CA5A: variants seen among roughly 807,000 people sequenced by gnomAD.
CA5A encodes the protein carbonic anhydrase 5A.
In CA5A, 28 loss-of-function variants were observed where a neutral mutation model predicts 37.1. The observed-to-expected ratio is 0.75, with a 90% CI of 0.56 to 1.03. The LOEUF (loss-of-function observed/expected upper bound fraction) is 1.03. Ranked by LOEUF, CA5A falls within the 50% of genes least tolerant of loss-of-function variation. CA5A has a pLI of 0.00. For missense variants in CA5A, 444 were observed against 399.9 expected (o/e 1.11, Z -0.94); for synonymous variants, 171 against 158.4 (o/e 1.08, Z -0.60).
At chr16:87,907,582 C>A (rs1215335927) in intron 2 of CA5A, among the ~76,000 whole-genome samples, 1 of 152,172 alleles carries the variant, frequency 6.6e-6, no homozygotes, top group Non-Finnish European at 1.5e-5. Context: ...CTGGTAGATG[C>A]CATTTGTAAG....
chr16:87,900,267 G>C (rs899692660), intron 5 of CA5A, among the ~76,000 whole-genome samples: 1 of 152,208 alleles, frequency 6.6e-6, no homozygotes, highest in African/African-American at 2.4e-5. Flanking sequence ...CTGTGGAGCC[G>C]CGTGGAGGAA....
rs184303552 is a variant in CA5A at position 87,894,551 on chromosome 16, C to T, written c.619-2597G>A. The stretch of plus-strand genomic sequence containing the variant: ...CATCAGTTCTATGCACGCATGTTCA[C>T]GTTTATAATTATCCAGTTAATTAAA... On this transcript the variant is annotated intron_variant, in intron 5 of 6. Coordinates refer to ENST00000649794, the MANE Select transcript of CA5A (RefSeq NM_001739.2). Among the ~76,000 whole-genome samples, 9 of 150,324 alleles carry T rather than the reference C, an allele frequency of 6.0e-5. No homozygotes were observed. In the East Asian group the frequency reaches 1.7e-3, roughly 29 times the overall value.
chr16:87,928,667 T>TCACCAAA (rs1166269260), intron 1 of CA5A, among the ~76,000 whole-genome samples: 5 of 152,056 alleles, frequency 3.3e-5, no homozygotes, highest in African/African-American at 1.2e-4. Flanking sequence ...GTGATGATAT[T>TCACCAAA]TAGGTTATTT....
chr16:87,914,805 C>T (rs150126156), intron 2 of CA5A, among the ~76,000 whole-genome samples: 18 of 152,274 alleles, frequency 1.2e-4, no homozygotes, highest in East Asian at 3.9e-4. Flanking sequence ...CACGGGCCAC[C>T]GTCCCCTAAG....
intron 5 of CA5A, chr16:87,893,146 C>CTTTTTTTT: frequency 2.6e-6 from 1 of 386,242 alleles, no homozygotes; most frequent in Non-Finnish European, 4.6e-6. Context: ...TTCTTTCTTT[C>CTTTTTTTT]TTTTTTTTTT....
At chr16:87,903,260 G>A (rs759066685) in intron 3 of CA5A, among the ~76,000 whole-genome samples, 7 of 151,984 alleles carry the variant, frequency 4.6e-5, no homozygotes, top group African/African-American at 1.2e-4. Flanking sequence ...GTGAAACCCC[G>A]TCCCTACTAA....
chr16:87,888,774 A>G (rs1017769726), intron 6 of CA5A, among the ~76,000 whole-genome samples: 3 of 152,180 alleles, frequency 2.0e-5, no homozygotes, highest in African/African-American at 7.2e-5. Context: ...TGTTTGAGAC[A>G]GTGTTTCGCT....
At chr16:87,893,601 G>T in intron 5 of CA5A, 1 of 697,610 alleles carries the variant, frequency 1.4e-6, no homozygotes, top group South Asian at 1.4e-5. Flanking sequence ...TCACAAGAGG[G>T]GAAGCTGACA....
chr16:87,936,190 A>T, intron 1 of CA5A, 119 bp downstream of exon 1: 1 of 651,050 alleles, frequency 1.5e-6, no homozygotes, highest in Non-Finnish European at 2.7e-6. Context: ...AAAAAAAAAA[A>T]CGGAGTGGAA....
At chr16:87,913,228 C>T (rs2144006434) in intron 2 of CA5A, among the ~76,000 whole-genome samples, 1 of 152,212 alleles carries the variant, frequency 6.6e-6, no homozygotes, top group African/African-American at 2.4e-5. Context: ...ATCCACCTGC[C>T]TCGGCCTCCC....
At chr16:87,895,414 G>A (rs909823575) in intron 5 of CA5A, among the ~76,000 whole-genome samples, 33 of 152,058 alleles carry the variant, frequency 2.2e-4, no homozygotes, top group African/African-American at 8.0e-4. Context: ...GCGTGGTGGC[G>A]CATGCCTGTA....
At chr16:87,923,619 C>G in intron 2 of CA5A, 1 of 985,454 alleles carries the variant, frequency 1.0e-6, no homozygotes, top group Non-Finnish European at 1.2e-6. Context: ...GCCTGATGCT[C>G]CACCAGCTGA....
rs375316418 is a variant in CA5A at position 87,936,492 on chromosome 16, G to A, written c.-42C>T. 3.7e-6 allele frequency: 6 copies of A among 1,608,944 alleles called. No homozygotes were observed. The African/African-American group carries it at 6.7e-5, about 18-fold the overall frequency. The stretch of plus-strand genomic sequence containing the variant: ...CTGACTCCAGTCTGAAGAGGGTGAT[G>A]TTCCCTGCTGTCTGTTCTCACTTTG... On this transcript the variant is annotated 5_prime_UTR_variant, in exon 1 of 7. Coordinates refer to ENST00000649794, the MANE Select transcript of CA5A (RefSeq NM_001739.2).
intron 5 of CA5A, among the ~76,000 whole-genome samples, chr16:87,897,267 G>A (rs1184933227): frequency 2.0e-5 from 3 of 152,274 alleles, no homozygotes; most frequent in Admixed American, 6.5e-5. Context: ...GCAGGGAGGA[G>A]GGGGGACCCC....
chr16:87,930,972 C>G (rs1284286138), intron 1 of CA5A, among the ~76,000 whole-genome samples: 1 of 151,170 alleles, frequency 6.6e-6, no homozygotes, highest in Non-Finnish European at 1.5e-5. Context: ...ATCTCCTGAC[C>G]TTGTGATCTG....
intron 2 of CA5A, among the ~76,000 whole-genome samples, chr16:87,916,873 C>CA (rs2056151616): frequency 6.6e-6 from 1 of 151,984 alleles, no homozygotes; most frequent in Admixed American, 6.6e-5. Context: ...GAGGCCGAGG[C>CA]AGGAGGATCA....
chr16:87,933,095 C>G (rs2056429848), intron 1 of CA5A, among the ~76,000 whole-genome samples: 1 of 152,206 alleles, frequency 6.6e-6, no homozygotes, highest in Admixed American at 6.5e-5. Flanking sequence ...CCACGGTCAG[C>G]CCGGGGGGAG....
Position 87,901,955 on chromosome 16 carries a change from G to A in CA5A, c.575C>T (p.Thr192Met), listed in dbSNP as rs145215237. Residue 192 changes from threonine to methionine, a missense_variant, in exon 5 of 7, where the codon ACG becomes ATG. Coordinates refer to ENST00000649794, the MANE Select transcript of CA5A (RefSeq NM_001739.2). ...CAAGATGTCCACCAGCCTCTGCAGC[G>A]TCTGATGATGGGCCCCGAGCTGCAT... ...VFLKLGAHHQ[T>M]LQRLVDILPE... 74 of 1,613,578 alleles carry A rather than the reference G, an allele frequency of 4.6e-5. No homozygotes were observed. In the African/African-American group the frequency reaches 6.1e-4, roughly 13 times the overall value.
At position 87,910,750 on chromosome 16, in the gene CA5A, G is replaced by C. The variant is rs563934658; in HGVS notation, c.341-5846C>G. Among the ~76,000 whole-genome samples, 5 of 147,270 alleles carry C rather than the reference G, an allele frequency of 3.4e-5. No individual in the cohort carries two copies. In the South Asian group the frequency reaches 1.0e-3, roughly 31 times the overall value. On this transcript the variant is annotated intron_variant, in intron 2 of 6. Coordinates refer to ENST00000649794, the MANE Select transcript of CA5A (RefSeq NM_001739.2). The stretch of plus-strand genomic sequence containing the variant: ...GTGTTACCACACCCCACTAATTTTT[G>C]TTTTTGTTTTTGTTTCTTTGAGATG...
Sources: allele counts gnomAD v4.1 joint callset (sites outside exome capture counted in the v4.1 genomes callset), GRCh38; gene constraint gnomAD v4.1.1; transcripts MANE v1.5; gene names NCBI Gene and HGNC (gene_info 2026-07-23, HGNC 2026-07-21).